The following TENM2 variants were observed in gnomAD, a reference collection of about 807,000 sequenced individuals.
TENM2 encodes teneurin transmembrane protein 2, also known as teneurin-2.
A neutral mutation model predicts 245.2 loss-of-function variants in TENM2; 52 were observed. The observed-to-expected ratio is 0.21, with a 90% CI of 0.17 to 0.27. TENM2 has a LOEUF of 0.27. Among genes scored for constraint, TENM2 ranks in the 10% least tolerant of loss-of-function variants. The pLI, the probability that TENM2 is intolerant of heterozygous loss-of-function variation, is 1.00. For synonymous variants in TENM2, 1,363 were observed against 1,438.9 expected, an observed-to-expected ratio of 0.95 and a Z score of 1.19; for missense variants, 3,046 against 3,666.8, an observed-to-expected ratio of 0.83 and a Z score of 4.37.
chr5:168,125,603 C>A lies in TENM2; in HGVS notation c.2209+553C>A, dbSNP rs80205076. On this transcript the variant is annotated intron_variant, in intron 11 of 28. Coordinates refer to ENST00000518659, the Ensembl canonical transcript of TENM2. ...CTTCCTGAGAAAGGTTCTGTTCACA[C>A]TGACAAGTCCCTATCCAAGCAAGCG... is the stretch of plus-strand genomic sequence containing the variant. 6.7e-3 allele frequency among the ~76,000 whole-genome samples: 1,015 copies of A among 152,272 alleles called. 14 individuals carry two copies. Among genetic ancestry groups the A allele is most frequent in the African/African-American group, 0.024 (978 of 41,558 alleles).
chr5:167,821,296 A>G (rs1407369402), intron 2 of TENM2: 1 of 152,236 alleles, frequency 6.6e-6, no homozygotes, highest in African/African-American at 2.4e-5. Context: ...GGTAAGTGTC[A>G]ATTACATTCC....
At chr5:168,085,290 C>G (rs1471825467) in intron 7 of TENM2, 3 of 152,178 alleles carry the variant, frequency 2.0e-5, no homozygotes, top group Non-Finnish European at 4.4e-5. Context: ...AGAATTCCAC[C>G]CTTGTAAGAT....
chr5:167,736,435 G>A (rs763378196), intron 2 of TENM2, among the ~76,000 whole-genome samples: 1 of 152,070 alleles, frequency 6.6e-6, no homozygotes, highest in African/African-American at 2.4e-5. Flanking sequence ...GAACAGGAGA[G>A]TCATTTACCT....
the TENM2 span, among the ~76,000 whole-genome samples, chr5:167,170,869 A>G: frequency 1.5e-4 from 21 of 143,162 alleles, no homozygotes; most frequent in South Asian, 4.4e-3. Context: ...ACGTCTCCTA[A>G]AACTCTTTTT....
chr5:168,238,287 A>AAGAAAAGAAAAGAAG (rs1197293688), intron 25 of TENM2, among the ~76,000 whole-genome samples: 1 of 150,726 alleles, frequency 6.6e-6, no homozygotes, highest in Non-Finnish European at 1.5e-5. Context: ...AAGAAAAGAA[A>AAGAAAAGAAAAGAAG]AGAAAAGAAA....
chr5:167,808,722 T>C (rs1766414341), intron 2 of TENM2, among the ~76,000 whole-genome samples: 2 of 152,230 alleles, frequency 1.3e-5, no homozygotes, highest in South Asian at 4.1e-4. Context: ...GTTTTTAATA[T>C]ATCCATGTAG....
chr5:168,187,346 T>G (rs954107195), intron 13 of TENM2: 1 of 151,902 alleles, frequency 6.6e-6, no homozygotes, highest in Admixed American at 6.6e-5. Flanking sequence ...AAAACTGTCT[T>G]AAGTTATTCT....
intron 2 of TENM2, among the ~76,000 whole-genome samples, chr5:167,545,587 C>CCTTTTTT (rs1772506998): frequency 2.0e-5 from 3 of 152,128 alleles, no homozygotes; most frequent in Admixed American, 6.5e-5. Context: ...TCTGATAGTG[C>CCTTTTTT]ATTATACATC....
chr5:167,842,580 CAAAAAAAAA>C (rs1160974467), intron 2 of TENM2, among the ~76,000 whole-genome samples: 927 of 45,296 alleles, frequency 0.02, 23 homozygotes, highest in African/African-American at 0.043. Context: ...GACTCCATGT[CAAAAAAAAA>C]AAAAAAAAAA....
At chr5:167,034,708 C>A in the TENM2 span, among the ~76,000 whole-genome samples, 4 of 150,128 alleles carry the variant, frequency 2.7e-5, no homozygotes, top group Non-Finnish European at 5.9e-5. Flanking sequence ...TTATTATTTT[C>A]CTCCAATTGG....
At chr5:167,191,157 A>C in the TENM2 span, among the ~76,000 whole-genome samples, 94 of 152,180 alleles carry the variant, frequency 6.2e-4, no homozygotes, top group African/African-American at 2.2e-3. Context: ...CAACAAGTTA[A>C]TATTATACCT....
chr5:167,005,685 A>G, the TENM2 span, among the ~76,000 whole-genome samples: 23 of 111,980 alleles, frequency 2.1e-4, no homozygotes, highest in Non-Finnish European at 3.4e-4. Context: ...TTTTTGAGAT[A>G]GAGTCTCACT....
At chr5:168,009,334 G>T (rs1468016751) in intron 5 of TENM2, among the ~76,000 whole-genome samples, 3 of 152,120 alleles carry the variant, frequency 2.0e-5, no homozygotes, top group Non-Finnish European at 4.4e-5. Flanking sequence ...TGATAAATCT[G>T]CTACATATTC....
chr5:167,643,003 CTT>C (rs1779710416), intron 2 of TENM2, among the ~76,000 whole-genome samples: 1 of 152,168 alleles, frequency 6.6e-6, no homozygotes, highest in South Asian at 2.1e-4. Flanking sequence ...GGGGATGTGA[CTT>C]TGTAATGACA....
At chr5:167,606,401 G>A (rs1167105513) in intron 2 of TENM2, among the ~76,000 whole-genome samples, 1 of 152,018 alleles carries the variant, frequency 6.6e-6, no homozygotes, top group African/African-American at 2.4e-5. Flanking sequence ...GAGGAGAGGG[G>A]CAGAGGGGAA....
the TENM2 span, among the ~76,000 whole-genome samples, chr5:167,259,446 AATGAGTCAAATAAAT>A: frequency 6.6e-6 from 1 of 152,238 alleles, no homozygotes; most frequent in African/African-American, 2.4e-5. Context: ...TCATTTAAAT[AATGAGTCAAATAAAT>A]ATGTCTTCAT....
At chr5:167,734,226 G>C (rs1214870444) in intron 2 of TENM2, among the ~76,000 whole-genome samples, 3 of 152,076 alleles carry the variant, frequency 2.0e-5, no homozygotes, top group African/African-American at 7.2e-5. Context: ...TCTGATCATA[G>C]TTTTTAGTAT....
chr5:167,013,555 A>C, the TENM2 span, among the ~76,000 whole-genome samples: 1 of 152,114 alleles, frequency 6.6e-6, no homozygotes, highest in African/African-American at 2.4e-5. Flanking sequence ...AAAAATACAA[A>C]AATTAGCCAG....
Position 168,260,363 on chromosome 5 carries a change from G to A in TENM2, c.7513G>A (p.Val2505Met), listed in dbSNP as rs745821243. The A allele has an allele frequency of 1.9e-5, 30 of 1,613,934 alleles. No homozygotes were observed. Among genetic ancestry groups the A allele is most frequent in the Middle Eastern group, 1.6e-4 (1 of 6,062 alleles). Residue 2505 changes from valine (V) to methionine (M), a missense_variant, in exon 28 of 29, where the codon GTG (valine) becomes ATG (methionine). Around this residue, in one of 2 missense-constraint regions of TENM2, gnomAD observed 2,704 missense variants for 3,331.9 expected, o/e 0.81. Coordinates refer to ENST00000518659, the Ensembl canonical transcript of TENM2. Reference sequence around the variant, plus strand: ...CTTCCCGAGAGCCAAAATGTATTTCGTGCCTCCTCCCTATGAATTGTCAGA... The same window carrying A: ...CTTCCCGAGAGCCAAAATGTATTTCATGCCTCCTCCCTATGAATTGTCAGA...
Sources: gnomAD v4.1 joint callset for allele counts (sites outside exome capture counted in the v4.1 genomes callset) on GRCh38, gnomAD v4.1.1 for gene constraint, gnomAD v4.1.1 regional missense constraint, MANE v1.5 for transcripts, NCBI Gene and HGNC (gene_info 2026-07-23, HGNC 2026-07-21) for gene names.